The following TRIM69 variants were observed in gnomAD, a reference collection of about 807,000 sequenced individuals.
TRIM69 encodes tripartite motif containing 69.
Under a neutral mutation model 37.7 loss-of-function variants are expected in TRIM69, and 29 were observed. That is an observed-to-expected ratio of 0.77 (90% CI 0.57 to 1.05). The LOEUF (loss-of-function observed/expected upper bound fraction) is 1.05. Among genes scored for constraint, TRIM69 ranks in the 50% least tolerant of loss-of-function variants. The pLI is 0.00. For missense variants in TRIM69, 596 were observed against 579.9 expected (o/e 1.03, Z -0.28); for synonymous variants, 209 against 212.4 (o/e 0.98, Z 0.14).
intron 6 of TRIM69, among the ~76,000 whole-genome samples, chr15:44,760,499 A>G (rs966381844): frequency 1.3e-5 from 2 of 152,214 alleles, no homozygotes; most frequent in Non-Finnish European, 2.9e-5. Flanking sequence ...TATAGAATTC[A>G]TAGACTCATC....
chr15:44,757,203 T>C (rs2087668821), intron 3 of TRIM69: 1 of 152,222 alleles, frequency 6.6e-6, no homozygotes, highest in Non-Finnish European at 1.5e-5. Context: ...TGAGCATTCA[T>C]TCATTCATTT....
intron 6 of TRIM69, among the ~76,000 whole-genome samples, chr15:44,764,526 G>T (rs2087847244): frequency 6.6e-6 from 1 of 151,692 alleles, no homozygotes; most frequent in South Asian, 2.1e-4. Context: ...AAGGTTTGAA[G>T]AGTAAATATT....
At chr15:44,741,452 G>A (rs1157710443) in intron 1 of TRIM69, among the ~76,000 whole-genome samples, 1 of 152,036 alleles carries the variant, frequency 6.6e-6, no homozygotes, top group Non-Finnish European at 1.5e-5. Context: ...CAGAAGGCAA[G>A]AAATAACTAA....
intron 1 of TRIM69, among the ~76,000 whole-genome samples, chr15:44,737,610 C>G (rs1405621257): frequency 6.6e-6 from 1 of 152,144 alleles, no homozygotes; most frequent in Non-Finnish European, 1.5e-5. Flanking sequence ...AATTAAATGG[C>G]TTAAAATTTC....
intron 1 of TRIM69, among the ~76,000 whole-genome samples, chr15:44,745,474 A>C (rs2087386170): frequency 6.6e-6 from 1 of 152,222 alleles, no homozygotes; most frequent in Non-Finnish European, 1.5e-5. Context: ...TACTTGTCAA[A>C]GTATCGGATA....
intron 1 of TRIM69, among the ~76,000 whole-genome samples, chr15:44,747,722 G>A (rs766081601): frequency 7.2e-5 from 11 of 152,150 alleles, no homozygotes; most frequent in Non-Finnish European, 1.5e-4. Context: ...CAGGCTATGT[G>A]AGAAACTATG....
chr15:44,747,053 T>G (rs2087423776), intron 1 of TRIM69, among the ~76,000 whole-genome samples: 1 of 152,146 alleles, frequency 6.6e-6, no homozygotes, highest in Non-Finnish European at 1.5e-5. Flanking sequence ...AGACCTTACA[T>G]GAAGGGAGGT....
chr15:44,756,089 A>T (rs553334603), intron 2 of TRIM69, among the ~76,000 whole-genome samples: 1 of 152,186 alleles, frequency 6.6e-6, no homozygotes, highest in Non-Finnish European at 1.5e-5. Context: ...GATGGGTCTC[A>T]CTATGTTGCC....
At position 44,758,851 on chromosome 15, in the gene TRIM69, CAAAGTG is replaced by C. The variant is rs2087711347; in HGVS notation, c.812_813+4del. ...AACAACAGAACTCCTTCGACTTTCT[CAAAGTG>C]AGAATCCACACCAATATGATTATGG... On this transcript the variant is annotated splice_donor_variant and splice_donor_region_variant and coding_sequence_variant and intron_variant, in exon 4 of 7. Transcript: ENST00000329464. LOFTEE classifies it high-confidence loss of function. 6.2e-7 allele frequency: 1 copy of C among 1,611,094 alleles called. No homozygotes were observed. The highest frequency in any genetic ancestry group is 1.1e-5 in the South Asian group (1 of 90,452).
At chr15:44,756,704 A>G in intron 3 of TRIM69, 1 of 372,230 alleles carries the variant, frequency 2.7e-6, no homozygotes. Context: ...TCGATAGTTC[A>G]GTCACCAGGT....
In TRIM69 at chr15:44,755,325, G is replaced by T; in HGVS notation, c.432G>T (p.Val144=). 6.2e-7 allele frequency: 1 copy of T among 1,613,996 alleles called. No individual in the cohort carries two copies. Among genetic ancestry groups the T allele is most frequent in the South Asian group, 1.1e-5 (1 of 91,052 alleles). ...CFQCKDARLS[V]GQSKEFLQIS... ...AATGCAAGGATGCTCGGTTGTCTGTGGGGCAGTCTAAGGAGTTCCTGCAAA... is the reference window on the plus strand; with the variant it reads ...AATGCAAGGATGCTCGGTTGTCTGTTGGGCAGTCTAAGGAGTTCCTGCAAA... The change falls in exon 2 of 7, where the codon GTG becomes GTT. Residue 144 remains valine (V), a synonymous_variant. Transcript: ENST00000329464.
rs2087700961 is a variant in TRIM69, at chr15:44,758,545, G to C, written c.580-76G>C. On this transcript the variant is annotated intron_variant, in intron 3 of 6. Coordinates refer to ENST00000329464, the MANE Select transcript of TRIM69 (RefSeq NM_182985.5). ...GTGATGGTATTTACCAAGTGTGTGA[G>C]TGTTGGTGGTGTGGGCCCCCATCCC... 3 of 1,576,216 alleles carry C rather than the reference G, an allele frequency of 1.9e-6. No homozygotes were observed. The East Asian group carries it at 6.8e-5, about 36-fold the overall frequency.
intron 1 of TRIM69, among the ~76,000 whole-genome samples, chr15:44,740,606 A>C (rs898513900): frequency 1.1e-4 from 17 of 152,170 alleles, no homozygotes; most frequent in Non-Finnish European, 2.4e-4. Context: ...GCTCAAAATG[A>C]AAGGATGGAG....
intron 6 of TRIM69, 149 bp from the exon 7 acceptor site, chr15:44,767,082 A>AAAAAAAAAAAAAAAG: frequency 2.6e-6 from 1 of 391,608 alleles, no homozygotes; most frequent in Non-Finnish European, 4.5e-6. Flanking sequence ...AAAAAAAAAA[A>AAAAAAAAAAAAAAAG]AAGCATATAA....
chr15:44,762,508 T>C (rs999148766), intron 6 of TRIM69, among the ~76,000 whole-genome samples: 7 of 152,180 alleles, frequency 4.6e-5, no homozygotes, highest in African/African-American at 1.7e-4. Flanking sequence ...TTTAGACAAC[T>C]TGATATTGTC....
intron 6 of TRIM69, among the ~76,000 whole-genome samples, chr15:44,762,352 T>A (rs2087793982): frequency 6.6e-6 from 1 of 152,188 alleles, no homozygotes; most frequent in East Asian, 1.9e-4. Context: ...TTCTTTGTAT[T>A]TATTCTGCTT....
Position 44,755,253 on chromosome 15 carries a change from G to A in TRIM69, c.360G>A (p.Glu120=), listed in dbSNP as rs1483447790. The A allele has an allele frequency of 5.6e-6, 9 of 1,614,082 alleles. No individual in the cohort carries two copies. Among genetic ancestry groups the A allele is most frequent in the Non-Finnish European group, 7.6e-6 (9 of 1,180,046 alleles). ...KGHPQCPEHG[E]NLKLFSKPDG... ...ATCCACAGTGCCCAGAGCATGGAGA[G>A]AACCTGAAACTGTTCAGTAAACCAG... The change falls in exon 2 of 7, where the codon GAG becomes GAA. Residue 120 remains glutamate, a synonymous_variant. Transcript: ENST00000329464.
chr15:44,766,583 A>G (rs1373921014), intron 6 of TRIM69, among the ~76,000 whole-genome samples: 1 of 152,166 alleles, frequency 6.6e-6, no homozygotes, highest in Non-Finnish European at 1.5e-5. Flanking sequence ...CTTTCCTAGA[A>G]CATCCTTACC....
At chr15:44,765,414 A>G (rs1219938374) in intron 6 of TRIM69, among the ~76,000 whole-genome samples, 1 of 152,196 alleles carries the variant, frequency 6.6e-6, no homozygotes, top group Non-Finnish European at 1.5e-5. Context: ...GGGATATGTA[A>G]GGGGATAGGG....
Sources: gnomAD v4.1 joint callset for allele counts (sites outside exome capture counted in the v4.1 genomes callset) on GRCh38, gnomAD v4.1.1 for gene constraint, MANE v1.5 for transcripts, NCBI Gene and HGNC (gene_info 2026-07-23, HGNC 2026-07-21) for gene names.